Variants in SDK1 observed in about 807,000 individuals in gnomAD.
SDK1 encodes sidekick cell adhesion molecule 1, also known as protein sidekick-1.
Under a neutral mutation model 245.5 loss-of-function variants are expected in SDK1, and 157 were observed. That is an observed-to-expected ratio of 0.64 (90% CI 0.56 to 0.73). The LOEUF is 0.73. Among genes scored for constraint, SDK1 ranks in the 30% least tolerant of loss-of-function variants. The pLI, the probability that SDK1 is intolerant of heterozygous loss-of-function variation, is 0.00. For missense variants in SDK1, 3,583 were observed against 3,002.3 expected (o/e 1.19, Z -4.52); for synonymous variants, 1,647 against 1,278.5 (o/e 1.29, Z -6.15).
intron 28 of SDK1, among the ~76,000 whole-genome samples, chr7:4,142,419 C>A (rs1202059355): frequency 6.6e-6 from 1 of 152,096 alleles, no homozygotes; most frequent in South Asian, 2.1e-4. Context: ...GCCTCCGCCT[C>A]CCGGGTTCAA....
intron 2 of SDK1, 97 bp downstream of exon 2, chr7:3,619,336 G>C: frequency 1.9e-6 from 2 of 1,026,008 alleles, no homozygotes; most frequent in Non-Finnish European, 2.9e-6. Flanking sequence ...GAAAATATTG[G>C]ATTGAATTTC....
In SDK1 at chr7:3,854,822, T is replaced by TGGGAA. The variant is rs562158482; in HGVS notation, c.847+33244_847+33248dup. 6.1e-3 allele frequency among the ~76,000 whole-genome samples: 930 copies of TGGGAA among 152,104 alleles called. 5 individuals are homozygous for TGGGAA. Among genetic ancestry groups the TGGGAA allele is most frequent in the Non-Finnish European group, 9.8e-3 (663 of 67,990 alleles). ...ATAGGTACATAGATAACAGAAAAGATGGGAAGGGATGTATTATGAGGAATC... is the reference window on the plus strand; with the variant it reads ...ATAGGTACATAGATAACAGAAAAGATGGGAAGGGAAGGGATGTATTATGAGGAATC... On this transcript the variant is annotated intron_variant, in intron 5 of 44. Coordinates refer to ENST00000404826, the MANE Select transcript of SDK1 (RefSeq NM_152744.4).
chr7:3,775,544 C>A (rs1780527840), intron 4 of SDK1, among the ~76,000 whole-genome samples: 1 of 151,186 alleles, frequency 6.6e-6, no homozygotes, highest in South Asian at 2.1e-4. Context: ...CCTTTCATAA[C>A]ATTTTTATTT....
intron 1 of SDK1, among the ~76,000 whole-genome samples, chr7:3,567,930 C>T (rs904354710): frequency 3.3e-5 from 5 of 152,180 alleles, no homozygotes; most frequent in Admixed American, 2.6e-4. Context: ...GATCTTCCCA[C>T]CTCAGCCTCC....
intron 1 of SDK1, among the ~76,000 whole-genome samples, chr7:3,303,375 C>T (rs751091936): frequency 2.5e-4 from 38 of 151,978 alleles, no homozygotes; most frequent in Non-Finnish European, 4.3e-4. Context: ...AAGACCTGTA[C>T]GTTCATACAT....
In SDK1 at chr7:3,373,657, ATACTT is replaced by A. The variant is rs1236367883; in HGVS notation, c.298+71779_298+71783del. ...TGTTCTTTTTTTTTTTGGATGTGCG[ATACTT>A]TACTTGGCACTAAAAAGTAAATACT... On this transcript the variant is annotated intron_variant, in intron 1 of 44. Transcript: ENST00000404826. Among the ~76,000 whole-genome samples, 3 of 151,906 alleles carry A rather than the reference ATACTT, an allele frequency of 2.0e-5. No homozygotes were observed. In the South Asian group the frequency reaches 6.2e-4, roughly 32 times the overall value.
At chr7:3,402,134 G>A (rs532557434) in intron 1 of SDK1, among the ~76,000 whole-genome samples, 9 of 152,186 alleles carry the variant, frequency 5.9e-5, no homozygotes, top group South Asian at 4.1e-4. Context: ...AATAATATGC[G>A]GAAAATAAAT....
At chr7:4,151,784 G>A (rs984931343) in intron 30 of SDK1, among the ~76,000 whole-genome samples, 13 of 152,232 alleles carry the variant, frequency 8.5e-5, no homozygotes, top group South Asian at 8.3e-4. Flanking sequence ...GTTTACACAC[G>A]CAGACATTGA....
At chr7:3,535,880 A>G (rs1471447132) in intron 1 of SDK1, among the ~76,000 whole-genome samples, 2 of 152,276 alleles carry the variant, frequency 1.3e-5, no homozygotes, top group East Asian at 1.9e-4. Flanking sequence ...TCCAGGCACT[A>G]TATCATTTTT....
chr7:3,781,207 C>T (rs1390734618), intron 4 of SDK1, among the ~76,000 whole-genome samples: 2 of 152,144 alleles, frequency 1.3e-5, no homozygotes, highest in Non-Finnish European at 2.9e-5. Flanking sequence ...AACTGTAGAT[C>T]TCAATAGTGG....
At chr7:3,464,482 C>T (rs1780928287) in intron 1 of SDK1, among the ~76,000 whole-genome samples, 1 of 152,142 alleles carries the variant, frequency 6.6e-6, no homozygotes, top group African/African-American at 2.4e-5. Context: ...GATTTCGCCA[C>T]TGCACTCCAG....
chr7:3,520,306 C>G (rs1376057125), intron 1 of SDK1, among the ~76,000 whole-genome samples: 5 of 152,106 alleles, frequency 3.3e-5, no homozygotes, highest in African/African-American at 1.2e-4. Flanking sequence ...AATGATTTAT[C>G]TATATTTAGG....
At chr7:3,765,940 CTGATGTCACCA>C (rs1023964979) in intron 4 of SDK1, among the ~76,000 whole-genome samples, 1 of 152,174 alleles carries the variant, frequency 6.6e-6, no homozygotes, top group African/African-American at 2.4e-5. Flanking sequence ...TTATTCCCTT[CTGATGTCACCA>C]TCCTCCATGA....
intron 1 of SDK1, among the ~76,000 whole-genome samples, chr7:3,341,980 A>G (rs183181385): frequency 1.3e-5 from 2 of 152,362 alleles, no homozygotes; most frequent in African/African-American, 4.8e-5. Context: ...AAAACGATCT[A>G]GTAAAAGAAT....
chr7:4,254,975 A>G lies in SDK1; in HGVS notation c.6381+9170A>G, dbSNP rs921755853. 1.4e-4 allele frequency among the ~76,000 whole-genome samples: 22 copies of G among 152,206 alleles called. 1 individual carries two copies. Among genetic ancestry groups the G allele is most frequent in the African/African-American group, 5.3e-4 (22 of 41,452 alleles). ...GCGTCATACCCAGCAGTTAACCTCC[A>G]CTACGTGCTAGCTCTGGTTTTCTCA... On this transcript the variant is annotated intron_variant, in intron 44 of 44. Transcript: ENST00000404826.
At chr7:3,924,915 C>A (rs566536755) in intron 5 of SDK1, among the ~76,000 whole-genome samples, 1 of 152,248 alleles carries the variant, frequency 6.6e-6, no homozygotes, top group East Asian at 1.9e-4. Flanking sequence ...GGTCTGCCTT[C>A]CTAATAATGG....
intron 42 of SDK1, among the ~76,000 whole-genome samples, chr7:4,239,138 C>G (rs1248574100): frequency 6.6e-6 from 1 of 152,188 alleles, no homozygotes; most frequent in African/African-American, 2.4e-5. Flanking sequence ...AGTCAATAAG[C>G]ATTTATTGCC....
At chr7:3,969,063 C>T (rs986719064) in intron 10 of SDK1, among the ~76,000 whole-genome samples, 194 bp from the exon 11 acceptor site, 9 of 152,182 alleles carry the variant, frequency 5.9e-5, no homozygotes, top group African/African-American at 2.2e-4. Context: ...AGGAGAACAT[C>T]ACGGGGGAAC....
At chr7:4,189,768 C>G (rs998461955) in intron 35 of SDK1, among the ~76,000 whole-genome samples, 6 of 152,172 alleles carry the variant, frequency 3.9e-5, no homozygotes, top group African/African-American at 1.4e-4. Context: ...GCAGCCATGG[C>G]AATTGAGTGA....
Sources: gnomAD v4.1 joint callset for allele counts (sites outside exome capture counted in the v4.1 genomes callset) on GRCh38, gnomAD v4.1.1 for gene constraint, MANE v1.5 for transcripts, NCBI Gene and HGNC (gene_info 2026-07-23, HGNC 2026-07-21) for gene names.